SLC4A4: variants seen among roughly 807,000 people sequenced by gnomAD.
SLC4A4 encodes the protein electrogenic sodium bicarbonate cotransporter 1.
A neutral mutation model predicts 111.5 loss-of-function variants in SLC4A4; 27 were observed. That is an observed-to-expected ratio of 0.24 (90% confidence interval 0.18 to 0.33). SLC4A4 has a LOEUF of 0.33. SLC4A4 is among the 10% of genes least tolerant of loss of function. The pLI is 1.00. For missense variants in SLC4A4, 909 were observed against 1,315.5 expected (o/e 0.69, Z 4.78); for synonymous variants, 443 against 463.4 (o/e 0.96, Z 0.57).
intron 23 of SLC4A4, 150 bp downstream of exon 23, chr4:71,560,404 C>T: frequency 1.3e-6 from 1 of 744,342 alleles, no homozygotes; most frequent in Non-Finnish European, 2.0e-6. Context: ...CTCCCTTTGC[C>T]CTTTATATTC....
At chr4:71,129,665 A>T (rs994602986) in intron 2 of SLC4A4, among the ~76,000 whole-genome samples, 1 of 152,126 alleles carries the variant, frequency 6.6e-6, no homozygotes, top group African/African-American at 2.4e-5. Context: ...CACACATCAC[A>T]TGTATGTTCA....
intron 3 of SLC4A4, among the ~76,000 whole-genome samples, chr4:71,338,704 GTT>G (rs1197963520): frequency 7.4e-6 from 1 of 134,304 alleles, no homozygotes; most frequent in Admixed American, 7.4e-5. Flanking sequence ...GTTGGAAAAT[GTT>G]TTTTTTTTTT....
chr4:71,364,626 C>T (rs1226556764), intron 6 of SLC4A4, among the ~76,000 whole-genome samples: 3 of 152,074 alleles, frequency 2.0e-5, no homozygotes, highest in Non-Finnish European at 2.9e-5. Context: ...AGCAGGAATC[C>T]CATTCCTGAG....
intron 7 of SLC4A4, among the ~76,000 whole-genome samples, chr4:71,414,175 C>G (rs1036521125): frequency 1.2e-4 from 19 of 152,266 alleles, no homozygotes; most frequent in African/African-American, 4.6e-4. Flanking sequence ...TGCCCATGCA[C>G]TCCCTGGATC....
At chr4:71,149,002 C>T (rs1450353324) in intron 2 of SLC4A4, among the ~76,000 whole-genome samples, 2 of 152,096 alleles carry the variant, frequency 1.3e-5, no homozygotes, top group Admixed American at 6.6e-5. Flanking sequence ...ATTTACACTC[C>T]CAACAACAGT....
intron 2 of SLC4A4, among the ~76,000 whole-genome samples, chr4:71,144,577 G>A (rs1221624882): frequency 2.0e-5 from 3 of 151,776 alleles, no homozygotes; most frequent in Non-Finnish European, 4.4e-5. Context: ...TCCTACCCAT[G>A]AGCATGGAAT....
chr4:71,091,097 A>G (rs1215850818), intron 1 of SLC4A4, among the ~76,000 whole-genome samples: 1 of 151,964 alleles, frequency 6.6e-6, no homozygotes, highest in Non-Finnish European at 1.5e-5. Flanking sequence ...ACAGTTGCGC[A>G]CCACCATACT....
intron 2 of SLC4A4, among the ~76,000 whole-genome samples, chr4:71,118,368 C>T (rs1257010151): frequency 6.6e-6 from 1 of 152,072 alleles, no homozygotes; most frequent in Non-Finnish European, 1.5e-5. Flanking sequence ...CTGGGGATAC[C>T]TTAACCTCAT....
chr4:71,521,299 A>T (rs1220856647), intron 16 of SLC4A4, among the ~76,000 whole-genome samples: 1 of 152,060 alleles, frequency 6.6e-6, no homozygotes, highest in Non-Finnish European at 1.5e-5. Flanking sequence ...TGGAGTAATC[A>T]TGGCTTACTG....
intron 3 of SLC4A4, among the ~76,000 whole-genome samples, chr4:71,333,636 C>G (rs1332945854): frequency 6.6e-6 from 1 of 152,210 alleles, no homozygotes; most frequent in Non-Finnish European, 1.5e-5. Context: ...GAGCTGAGGG[C>G]AGGTACAGAA....
At chr4:71,273,292 G>C (rs1722826240) in intron 3 of SLC4A4, among the ~76,000 whole-genome samples, 1 of 152,108 alleles carries the variant, frequency 6.6e-6, no homozygotes, top group Non-Finnish European at 1.5e-5. Flanking sequence ...CTTCACTGTG[G>C]GGGAGCATGA....
chr4:71,190,484 A>C (rs1245081455), intron 1 of SLC4A4, among the ~76,000 whole-genome samples: 1 of 151,908 alleles, frequency 6.6e-6, no homozygotes, highest in Non-Finnish European at 1.5e-5. Context: ...AGCCATATTA[A>C]CTACTTTCGT....
intron 14 of SLC4A4, among the ~76,000 whole-genome samples, chr4:71,485,726 C>G (rs1309559269): frequency 1.4e-5 from 2 of 138,386 alleles, no homozygotes; most frequent in African/African-American, 2.5e-5. Flanking sequence ...AATATTTTAT[C>G]TCTTTTAGTT....
intron 2 of SLC4A4, among the ~76,000 whole-genome samples, chr4:71,096,623 G>A (rs750343174): frequency 1.6e-4 from 24 of 152,272 alleles, no homozygotes; most frequent in Non-Finnish European, 2.9e-4. Context: ...AATGGGATCC[G>A]AATTACTGAA....
intron 2 of SLC4A4, among the ~76,000 whole-genome samples, chr4:71,181,079 G>A (rs1453131798): frequency 6.6e-6 from 1 of 151,892 alleles, no homozygotes; most frequent in Non-Finnish European, 1.5e-5. Context: ...CATGGATGAA[G>A]CCGGAAACCA....
In SLC4A4 at chr4:71,227,848, G is replaced by A. The variant is rs576960582; in HGVS notation, c.-1-8728G>A. Reference sequence around the variant, plus strand: ...TTGAAAGCTAAAAGAGTTTAGAAGGGAGCTTCTTTTTCCTGTCTGTAACGG... The same window carrying A: ...TTGAAAGCTAAAAGAGTTTAGAAGGAAGCTTCTTTTTCCTGTCTGTAACGG... On this transcript the variant is annotated intron_variant, in intron 1 of 25. Transcript: ENST00000264485. Among the ~76,000 whole-genome samples the A allele has an allele frequency of 2.0e-5, 3 of 152,272 alleles. No individual in the cohort carries two copies. In the East Asian group the frequency reaches 5.8e-4, roughly 29 times the overall value.
At chr4:71,437,565 G>A (rs1724272520) in intron 7 of SLC4A4, 1 of 515,812 alleles carries the variant, frequency 1.9e-6, no homozygotes, top group Non-Finnish European at 4.0e-6. Context: ...GCATTTTTAT[G>A]GAAGGGCTGC....
At chr4:71,341,608 C>A (rs927093052) in intron 4 of SLC4A4, among the ~76,000 whole-genome samples, 2 of 152,208 alleles carry the variant, frequency 1.3e-5, no homozygotes, top group Admixed American at 6.5e-5. Flanking sequence ...CATCATACCA[C>A]TTGTAATCAA....
chr4:71,521,794 A>G (rs150844696), intron 16 of SLC4A4, among the ~76,000 whole-genome samples: 12 of 152,274 alleles, frequency 7.9e-5, no homozygotes, highest in Non-Finnish European at 1.6e-4. Context: ...ACAAAGAAAG[A>G]TGTCCATTGC....
Sources: gnomAD v4.1 joint callset for allele counts (sites outside exome capture counted in the v4.1 genomes callset) on GRCh38, gnomAD v4.1.1 for gene constraint, MANE v1.5 for transcripts, NCBI Gene and HGNC (gene_info 2026-07-23, HGNC 2026-07-21) for gene names.